Variants in SNX29 observed in about 807,000 individuals in gnomAD.
SNX29 encodes the protein sorting nexin 29.
A neutral mutation model predicts 102.1 loss-of-function variants in SNX29; 78 were observed. That is an observed-to-expected ratio of 0.76 (90% CI 0.64 to 0.92). The LOEUF (loss-of-function observed/expected upper bound fraction) is 0.92, where lower values mean the gene tolerates loss of function less well. Ranked by LOEUF, SNX29 falls within the 40% of genes least tolerant of loss-of-function variation. The probability of loss-of-function intolerance (pLI) is 0.00; values close to 1 mark genes in which losing one functional copy is unlikely to be tolerated. For missense variants in SNX29, 1,280 were observed against 1,061.7 expected, an observed-to-expected ratio of 1.21 and a Z score of -2.86; for synonymous variants, 580 against 414.5, an observed-to-expected ratio of 1.40 and a Z score of -4.85.
intron 13 of SNX29, among the ~76,000 whole-genome samples, chr16:12,197,751 T>A (rs944588558): frequency 2.6e-5 from 4 of 152,218 alleles, no homozygotes; most frequent in African/African-American, 9.6e-5. Flanking sequence ...GACGAGGGGA[T>A]AACTAAGGGA....
rs147197300 is a variant in SNX29 at position 11,989,575 on chromosome 16, C to T, written c.8-9722C>T. Among the ~76,000 whole-genome samples the T allele has an allele frequency of 4.9e-3, 748 of 152,360 alleles. 6 individuals are homozygous for T. The highest frequency in any genetic ancestry group is 9.4e-3 in the Admixed American group (144 of 15,304). ...CACTCTGCCCATGACAGGAATGAGG[C>T]AGCCGTTGTGCCCTGGCCAGTTCTG... On this transcript the variant is annotated intron_variant, in intron 1 of 20. Transcript: ENST00000566228.
At position 12,568,487 on chromosome 16, in the gene SNX29, T is replaced by C. The variant is rs2079107888; in HGVS notation, c.2319-19T>C. The C allele has an allele frequency of 6.2e-7, 1 of 1,608,458 alleles. No individual in the cohort carries two copies. The highest frequency in any genetic ancestry group is 2.2e-5 in the East Asian group (1 of 44,846). ...TTTTCATCCCCAGACTTAACCCGAT[T>C]CTCTCCCTGCTCTTTCAGCGACATC... is the stretch of plus-strand genomic sequence containing the variant. On this transcript the variant is annotated intron_variant, in intron 20 of 20. Transcript: ENST00000566228.
At chr16:12,259,505 C>G (rs60734148) in intron 14 of SNX29, among the ~76,000 whole-genome samples, 2 of 152,128 alleles carry the variant, frequency 1.3e-5, no homozygotes, top group Non-Finnish European at 2.9e-5. Context: ...CCTGGCTCCC[C>G]GCAGCTTTTA....
chr16:12,562,477 C>G (rs547508801), intron 20 of SNX29, among the ~76,000 whole-genome samples: 9 of 152,174 alleles, frequency 5.9e-5, no homozygotes, highest in Non-Finnish European at 1.3e-4. Flanking sequence ...GCTAGGAACT[C>G]GAGTCCTAGA....
intron 18 of SNX29, among the ~76,000 whole-genome samples, chr16:12,475,514 G>A (rs56247720): frequency 5.1e-4 from 78 of 152,246 alleles, no homozygotes; most frequent in African/African-American, 1.7e-3. Context: ...GTTATGTCCC[G>A]GTAAGCCCAT....
At chr16:12,383,638 G>A (rs62027024) in intron 16 of SNX29, among the ~76,000 whole-genome samples, 52,010 of 151,462 alleles carry the variant, frequency 0.34, 11,025 homozygotes, top group East Asian at 0.53. Flanking sequence ...GTTTCACCAC[G>A]TTGGCCAGGC....
At chr16:12,452,572 G>T (rs1334499944) in intron 18 of SNX29, among the ~76,000 whole-genome samples, 1 of 152,160 alleles carries the variant, frequency 6.6e-6, no homozygotes, top group East Asian at 1.9e-4. Context: ...TGGCTTTGTG[G>T]ATGGGGAGGG....
rs540783466 is a variant in SNX29 at position 12,389,898 on chromosome 16, G to C, written c.1900-8548G>C. Among the ~76,000 whole-genome samples, 11 of 152,308 alleles carry C rather than the reference G, an allele frequency of 7.2e-5. 1 individual carries two copies. In the South Asian group the frequency reaches 2.3e-3, roughly 32 times the overall value. On this transcript the variant is annotated intron_variant, in intron 16 of 20. Coordinates refer to ENST00000566228, the MANE Select transcript of SNX29 (RefSeq NM_032167.5). ...GCTGCTCATTGACTCTTCAAACCTT[G>C]TTTCCCTCATCTGAAGCAGGAGCGA...
chr16:12,457,206 C>T (rs2086578505), intron 18 of SNX29, among the ~76,000 whole-genome samples: 2 of 152,204 alleles, frequency 1.3e-5, no homozygotes, highest in African/African-American at 4.8e-5. Flanking sequence ...ACCGGTCATG[C>T]TTTATGCATG....
chr16:12,074,615 A>T (rs987924538), intron 10 of SNX29, among the ~76,000 whole-genome samples: 2 of 151,646 alleles, frequency 1.3e-5, no homozygotes, highest in African/African-American at 4.8e-5. Flanking sequence ...CTTCATTTCA[A>T]CTTTGGTGAA....
chr16:12,526,765 G>A (rs1013497267), intron 20 of SNX29: 21 of 428,136 alleles, frequency 4.9e-5, no homozygotes, highest in Non-Finnish European at 8.4e-5. Context: ...TGCCCCATCC[G>A]CAAGTCAGTG....
At chr16:12,256,536 C>T (rs2078578551) in intron 14 of SNX29, among the ~76,000 whole-genome samples, 1 of 152,104 alleles carries the variant, frequency 6.6e-6, no homozygotes, top group Admixed American at 6.6e-5. Context: ...CCATGTAGGC[C>T]AGGCTGGTCT....
chr16:12,170,735 TGTGA>T (rs751394378), intron 13 of SNX29, among the ~76,000 whole-genome samples: 24 of 150,134 alleles, frequency 1.6e-4, no homozygotes, highest in African/African-American at 3.5e-4. Flanking sequence ...GAGGAGGCTG[TGTGA>T]GTGAGTGAGT....
chr16:12,089,837 C>T (rs1378660394), intron 11 of SNX29: 6 of 399,870 alleles, frequency 1.5e-5, no homozygotes, highest in Non-Finnish European at 2.5e-5. Context: ...TGCGTTCCTT[C>T]CGTCCTTCAC....
chr16:12,527,863 C>T (rs1460326224), intron 20 of SNX29, among the ~76,000 whole-genome samples: 4 of 143,666 alleles, frequency 2.8e-5, no homozygotes, highest in Non-Finnish European at 4.5e-5. Context: ...CTCGCTCTGT[C>T]GGCCAAACTG....
At chr16:12,232,481 A>G (rs1010496224) in intron 14 of SNX29, among the ~76,000 whole-genome samples, 6 of 152,368 alleles carry the variant, frequency 3.9e-5, no homozygotes, top group African/African-American at 1.4e-4. Flanking sequence ...AGATCGTGCC[A>G]CTGCACTCCA....
chr16:12,256,673 T>C (rs2078583725), intron 14 of SNX29, among the ~76,000 whole-genome samples: 1 of 152,130 alleles, frequency 6.6e-6, no homozygotes, highest in South Asian at 2.1e-4. Flanking sequence ...TCAGCAGTTG[T>C]TTATGAAGTG....
chr16:12,493,909 T>C (rs966573201), intron 19 of SNX29, among the ~76,000 whole-genome samples: 3 of 152,160 alleles, frequency 2.0e-5, no homozygotes, highest in African/African-American at 7.2e-5. Flanking sequence ...TGTTTTTGAT[T>C]CACATTTTCC....
chr16:12,457,112 C>T (rs980270725), intron 18 of SNX29, among the ~76,000 whole-genome samples: 14 of 152,204 alleles, frequency 9.2e-5, no homozygotes, highest in African/African-American at 3.1e-4. Context: ...ACATTCAGGG[C>T]AGGTCAAGTC....
Sources: allele counts gnomAD v4.1 joint callset (sites outside exome capture counted in the v4.1 genomes callset), GRCh38; gene constraint gnomAD v4.1.1; transcripts MANE v1.5; gene names NCBI Gene and HGNC (gene_info 2026-07-23, HGNC 2026-07-21).